The following ZNF829 variants were observed in gnomAD, a reference collection of about 807,000 sequenced individuals.
ZNF829 encodes zinc finger protein 829.
Under a neutral mutation model 35.2 loss-of-function variants are expected in ZNF829, and 25 were observed. The ratio of observed to expected loss-of-function variants is 0.71; its 90% CI spans 0.52 to 0.99. The LOEUF is 0.99. ZNF829 is among the 50% of genes least tolerant of loss of function. ZNF829 has a pLI of 0.00. For missense variants in ZNF829, 417 were observed against 515.3 expected, an observed-to-expected ratio of 0.81 and a Z score of 1.85; for synonymous variants, 136 against 163.2, an observed-to-expected ratio of 0.83 and a Z score of 1.27.
chr19:36,896,808 A>G (rs753525525), intron 5 of ZNF829, among the ~76,000 whole-genome samples: 1 of 152,224 alleles, frequency 6.6e-6, no homozygotes, highest in Non-Finnish European at 1.5e-5. Context: ...CTAGAAATCA[A>G]TAACAAAAAC....
intron 5 of ZNF829, among the ~76,000 whole-genome samples, chr19:36,900,737 A>T (rs2073157911): frequency 6.6e-6 from 1 of 151,934 alleles, no homozygotes; most frequent in Admixed American, 6.6e-5. Context: ...AATCCCAGCT[A>T]CGCAGGAGGC....
At position 36,890,670 on chromosome 19, in the gene ZNF829, G is replaced by C. The variant is rs917212525; in HGVS notation, c.*822C>G. On this transcript the variant is annotated 3_prime_UTR_variant, in exon 6 of 6. Transcript: ENST00000391711. Reference sequence around the variant, plus strand: ...AGCCTGGCCAACATGGTGAAACCCCGTCGCTACTAAAAATACAAAAAAAAA... The same window carrying C: ...AGCCTGGCCAACATGGTGAAACCCCCTCGCTACTAAAAATACAAAAAAAAA... 2.9e-5 allele frequency: 4 copies of C among 138,028 alleles called. No homozygotes were observed. Among genetic ancestry groups the C allele is most frequent in the Non-Finnish European group, 4.6e-5 (3 of 65,050 alleles). 8.6% of individuals were successfully genotyped at this position (138,028 alleles called of 1,614,324 possible).
rs1440255798 is a variant in ZNF829, at chr19:36,897,072, C to A, written c.320-4601G>T. 2.6e-5 allele frequency among the ~76,000 whole-genome samples: 4 copies of A among 152,096 alleles called. No homozygotes were observed. In the East Asian group the frequency reaches 7.7e-4, roughly 29 times the overall value. ...TGAGATTGAAGCAATAGTAAAATGT[C>A]TCCCAACAAAAAAAGCCCAAGACTA... On this transcript the variant is annotated intron_variant, in intron 5 of 5. Coordinates refer to ENST00000391711, the MANE Select transcript of ZNF829 (RefSeq NM_001037232.4).
rs377440920 is a variant in ZNF829 at position 36,892,400 on chromosome 19, G to A, written c.391C>T (p.Arg131Cys). Residue 131 changes from arginine to cysteine, a missense_variant, in exon 6 of 6, where the codon CGT becomes TGT. Physicochemically the swap from Arg to Cys is radical, Grantham distance 180. Coordinates refer to ENST00000391711, the MANE Select transcript of ZNF829 (RefSeq NM_001037232.4). ...KRHFSQVIIT[R>C]EDMSTFIQPT... ...TGAATAAAAGTAGACATGTCTTCAC[G>A]GGTAATTATTACTTGACTGAAATGT... The A allele has an allele frequency of 5.6e-6, 9 of 1,611,634 alleles. No individual in the cohort carries two copies. Among genetic ancestry groups the A allele is most frequent in the African/African-American group, 1.3e-5 (1 of 74,888 alleles).
In ZNF829 at chr19:36,891,322, T is replaced by A; in HGVS notation, c.*170A>T. 1.6e-6 allele frequency: 1 copy of A among 606,126 alleles called. No individual in the cohort carries two copies. The highest frequency in any genetic ancestry group is 2.6e-6 in the Non-Finnish European group (1 of 380,624). The allele number at this position is 606,126 out of a possible 1,614,324, so 37.5% of individuals were successfully genotyped here. On this transcript the variant is annotated 3_prime_UTR_variant, in exon 6 of 6. Coordinates refer to ENST00000391711, the MANE Select transcript of ZNF829 (RefSeq NM_001037232.4). ...GGCTCTAAACTATGAGAGAATAAAT[T>A]TCTCTTGTTTTAAGCCACCAAGGTT...
At chr19:36,892,901 A>G in intron 5 of ZNF829, 13 of 1,151,400 alleles carry the variant, frequency 1.1e-5, no homozygotes, top group Non-Finnish European at 1.4e-5. Flanking sequence ...GGCCATCAGC[A>G]TGCCCAGGCA....
intron 5 of ZNF829, among the ~76,000 whole-genome samples, chr19:36,896,122 T>C (rs2146230732): frequency 6.6e-6 from 1 of 151,984 alleles, no homozygotes; most frequent in South Asian, 2.1e-4. Flanking sequence ...CCATCCTGGC[T>C]AACATGGTGA....
intron 3 of ZNF829, among the ~76,000 whole-genome samples, chr19:36,908,823 TA>T (rs1276883521): frequency 6.6e-6 from 1 of 152,152 alleles, no homozygotes; most frequent in Non-Finnish European, 1.5e-5. Flanking sequence ...ACAGATCACA[TA>T]AGTTTTCAGA....
chr19:36,892,508 T>G (rs1600728122), intron 5 of ZNF829, 37 bp from the exon 6 acceptor site: 2 of 1,520,588 alleles, frequency 1.3e-6, no homozygotes, highest in Non-Finnish European at 1.7e-6. Context: ...ATTTTCCTAT[T>G]CTGGGCAAGT....
At chr19:36,897,050 G>C (rs184811775) in intron 5 of ZNF829, among the ~76,000 whole-genome samples, 24 of 152,280 alleles carry the variant, frequency 1.6e-4, no homozygotes, top group Admixed American at 1.4e-3. Context: ...CGAGTAATGA[G>C]ATTGAAGCAA....
chr19:36,893,964 C>T (rs2073087424), intron 5 of ZNF829, among the ~76,000 whole-genome samples: 1 of 152,192 alleles, frequency 6.6e-6, no homozygotes, highest in Admixed American at 6.5e-5. Context: ...CCTACCTCTA[C>T]AACCTTGTGT....
rs113975152 is a variant in ZNF829 at position 36,899,192 on chromosome 19, C to A, written c.320-6721G>T. On this transcript the variant is annotated intron_variant, in intron 5 of 5. Coordinates refer to ENST00000391711, the MANE Select transcript of ZNF829 (RefSeq NM_001037232.4). The stretch of plus-strand genomic sequence containing the variant: ...TAGCGGCTCATAACTGTAATCCCAG[C>A]ACATTGGGAGGCCAAGTCAGGAGGA... Among the ~76,000 whole-genome samples the A allele has an allele frequency of 3.2e-3, 486 of 152,238 alleles. 3 individuals carry two copies. The highest frequency in any genetic ancestry group is 0.011 in the African/African-American group (467 of 41,544).
intron 5 of ZNF829, among the ~76,000 whole-genome samples, chr19:36,898,473 C>A (rs1320554915): frequency 6.6e-6 from 1 of 152,146 alleles, no homozygotes; most frequent in Non-Finnish European, 1.5e-5. Flanking sequence ...GCAATCCCGA[C>A]TGAAATGCCA....
Position 36,891,721 on chromosome 19 carries a change from C to T in ZNF829, c.1070G>A (p.Cys357Tyr). Reference protein sequence around the residue: ...AGEKLYECEECRKAFIQSSEL... With the variant: ...AGEKLYECEEYRKAFIQSSEL... ...TGAGCTCTGAATAAAGGCCTTTCTA[C>T]ATTCTTCACATTCATAGAGCTTCTC... Residue 357 changes from cysteine (C) to tyrosine (Y), a missense_variant, in exon 6 of 6, where the codon TGT (cysteine) becomes TAT (tyrosine). By Grantham distance (194) the Cys-to-Tyr change is radical. Transcript: ENST00000391711. The T allele has an allele frequency of 1.2e-6, 2 of 1,614,144 alleles. No individual in the cohort carries two copies. The highest frequency in any genetic ancestry group is 1.1e-5 in the South Asian group (1 of 91,082).
In ZNF829 at chr19:36,893,723, G is replaced by A. The variant is rs151076995; in HGVS notation, c.320-1252C>T. Reference sequence around the variant, plus strand: ...TAAGTATTCCCTCCACACAATCATTGGCCAAACTTAGTCTGGGTGAGTCCC... The same window carrying A: ...TAAGTATTCCCTCCACACAATCATTAGCCAAACTTAGTCTGGGTGAGTCCC... On this transcript the variant is annotated intron_variant, in intron 5 of 5. Transcript: ENST00000391711. Among the ~76,000 whole-genome samples the A allele has an allele frequency of 3.9e-4, 60 of 152,138 alleles. No individual in the cohort carries two copies. The East Asian group carries it at 7.9e-3, about 20-fold the overall frequency.
intron 5 of ZNF829, chr19:36,902,158 CAAAAAAAAAAGA>C (rs1480894355): frequency 1.2e-5 from 2 of 166,500 alleles, no homozygotes; most frequent in Non-Finnish European, 2.3e-5. Flanking sequence ...TATAAAATTG[CAAAAAAAAAAGA>C]AAAAAAAAAA....
At position 36,890,059 on chromosome 19, in the gene ZNF829, C is replaced by T. The variant is rs1427789512; in HGVS notation, c.*1433G>A. The T allele has an allele frequency of 6.6e-6, 1 of 152,070 alleles. No individual in the cohort carries two copies. The highest frequency in any genetic ancestry group is 1.5e-5 in the Non-Finnish European group (1 of 68,012). 9.4% of individuals were successfully genotyped at this position (152,070 alleles called of 1,614,324 possible). A position where few individuals can be genotyped will look rare whatever the true frequency, so the allele number is the denominator to read the frequency against. On this transcript the variant is annotated 3_prime_UTR_variant, in exon 6 of 6. Transcript: ENST00000391711. ...ATTCAGGAGCAAGCTGTTTAAATTC[C>T]ATGTATCTGTTTTGAGAGTTCCTCT...
At chr19:36,912,061 C>G (rs2073268954) in intron 3 of ZNF829, among the ~76,000 whole-genome samples, 1 of 152,216 alleles carries the variant, frequency 6.6e-6, no homozygotes, top group Non-Finnish European at 1.5e-5. Context: ...ACCTCCTCTT[C>G]CCTACCCCTG....
At chr19:36,894,770 T>G (rs2073096117) in intron 5 of ZNF829, among the ~76,000 whole-genome samples, 2 of 152,100 alleles carry the variant, frequency 1.3e-5, no homozygotes, top group African/African-American at 4.8e-5. Context: ...AAAATAATAA[T>G]TTTTAAAACT....
Sources: gnomAD v4.1 joint callset for allele counts (sites outside exome capture counted in the v4.1 genomes callset) on GRCh38, gnomAD v4.1.1 for gene constraint, MANE v1.5 for transcripts, NCBI Gene and HGNC (gene_info 2026-07-23, HGNC 2026-07-21) for gene names.